Variants in DNER observed in about 807,000 individuals in gnomAD.
DNER encodes the protein delta and Notch-like epidermal growth factor-related receptor.
In DNER, 33 loss-of-function variants were observed where a neutral mutation model predicts 78.2. The ratio of observed to expected loss-of-function variants is 0.42; its 90% CI spans 0.32 to 0.56. The LOEUF is 0.56. Ranked by LOEUF, DNER falls within the 20% of genes least tolerant of loss-of-function variation. The pLI is 0.11. For synonymous variants in DNER, 417 were observed against 384.8 expected, an observed-to-expected ratio of 1.08 and a Z score of -0.98; for missense variants, 918 against 975.3, an observed-to-expected ratio of 0.94 and a Z score of 0.78.
rs1206242933 is a variant in DNER at position 229,410,520 on chromosome 2, A to G, written c.1610-3175T>C. Among the ~76,000 whole-genome samples, 3 of 152,206 alleles carry G rather than the reference A, an allele frequency of 2.0e-5. No individual in the cohort carries two copies. The East Asian group carries it at 5.8e-4, about 29-fold the overall frequency. ...TTTTGTCAGAGAAAACCAGGTCCAC[A>G]CTTCAAACTAAGTCTGTGGAATGAC... is the stretch of plus-strand genomic sequence containing the variant. On this transcript the variant is annotated intron_variant, in intron 9 of 12. Transcript: ENST00000341772.
intron 7 of DNER, among the ~76,000 whole-genome samples, chr2:229,448,724 T>C (rs190868853): frequency 1.0e-3 from 153 of 152,346 alleles, no homozygotes; most frequent in African/African-American, 3.6e-3. Flanking sequence ...TTAACAATGC[T>C]TTCCATAAAA....
intron 1 of DNER, among the ~76,000 whole-genome samples, chr2:229,712,686 T>C (rs989473762): frequency 6.6e-6 from 1 of 152,218 alleles, no homozygotes; most frequent in South Asian, 2.1e-4. Context: ...AAAAGCAAGA[T>C]TTTGTTCTAA....
intron 11 of DNER, among the ~76,000 whole-genome samples, chr2:229,368,087 C>T (rs929448473): frequency 6.6e-6 from 1 of 152,116 alleles, no homozygotes; most frequent in East Asian, 1.9e-4. Flanking sequence ...TATGGCTGGG[C>T]ATGGTGGCTC....
intron 7 of DNER, among the ~76,000 whole-genome samples, chr2:229,450,910 C>G (rs1380216976): frequency 1.3e-5 from 2 of 152,158 alleles, no homozygotes; most frequent in African/African-American, 4.8e-5. Context: ...AAGACTCATA[C>G]AAATAGGGAG....
At chr2:229,570,021 T>C (rs1252336591) in intron 4 of DNER, among the ~76,000 whole-genome samples, 1 of 152,200 alleles carries the variant, frequency 6.6e-6, no homozygotes, top group East Asian at 1.9e-4. Flanking sequence ...TAACACTTAC[T>C]GAAACCAGAT....
chr2:229,393,805 C>G (rs1693071518), intron 10 of DNER, among the ~76,000 whole-genome samples: 1 of 152,098 alleles, frequency 6.6e-6, no homozygotes, highest in African/African-American at 2.4e-5. Context: ...CGGGTTCATG[C>G]CACTGCACTC....
At chr2:229,661,324 AC>A (rs1265578134) in intron 1 of DNER, among the ~76,000 whole-genome samples, 2 of 152,108 alleles carry the variant, frequency 1.3e-5, no homozygotes, top group African/African-American at 4.8e-5. Flanking sequence ...CCCAAAAAAA[AC>A]TTGTTACTCA....
intron 4 of DNER, among the ~76,000 whole-genome samples, chr2:229,568,669 T>A (rs190993022): frequency 7.1e-4 from 108 of 152,114 alleles, no homozygotes; most frequent in African/African-American, 2.3e-3. Context: ...CTTTTACGCA[T>A]CCCTACTGAC....
chr2:229,554,481 C>T (rs1400167461), intron 4 of DNER, among the ~76,000 whole-genome samples: 1 of 152,138 alleles, frequency 6.6e-6, no homozygotes, highest in Middle Eastern at 3.2e-3. Flanking sequence ...CACTTGAGGG[C>T]AGGAGTCCGA....
chr2:229,605,877 G>A (rs573839750), intron 1 of DNER, among the ~76,000 whole-genome samples: 2 of 152,250 alleles, frequency 1.3e-5, no homozygotes. Context: ...GGGTGATGGA[G>A]CAAGACCCTG....
At chr2:229,560,651 T>C (rs925997948) in intron 4 of DNER, among the ~76,000 whole-genome samples, 3 of 152,162 alleles carry the variant, frequency 2.0e-5, no homozygotes, top group African/African-American at 7.2e-5. Flanking sequence ...GATTTGTGAC[T>C]CAATACTTGT....
intron 8 of DNER, among the ~76,000 whole-genome samples, chr2:229,436,225 T>C (rs1210345681): frequency 6.6e-6 from 1 of 152,176 alleles, no homozygotes; most frequent in Non-Finnish European, 1.5e-5. Flanking sequence ...TCTGTATTAG[T>C]TTGCTTAGGA....
chr2:229,436,543 A>T (rs931644055), intron 8 of DNER, among the ~76,000 whole-genome samples: 9 of 152,226 alleles, frequency 5.9e-5, no homozygotes. Context: ...AAAGGCAGCT[A>T]GAGAGAAGGA....
intron 1 of DNER, among the ~76,000 whole-genome samples, chr2:229,662,710 G>A (rs967484338): frequency 6.6e-6 from 1 of 152,188 alleles, no homozygotes; most frequent in Non-Finnish European, 1.5e-5. Context: ...CTGCTGACCA[G>A]AACAGACACA....
At chr2:229,385,311 G>C (rs1692839777) in intron 11 of DNER, among the ~76,000 whole-genome samples, 1 of 152,072 alleles carries the variant, frequency 6.6e-6, no homozygotes, top group African/African-American at 2.4e-5. Flanking sequence ...ACTAGGTATT[G>C]ACAGAACGTA....
At chr2:229,608,021 CA>C (rs57795249) in intron 1 of DNER, among the ~76,000 whole-genome samples, 59 of 86,266 alleles carry the variant, frequency 6.8e-4, no homozygotes, top group South Asian at 1.8e-3. Flanking sequence ...AACTCTGTCT[CA>C]AAAAAAAAAA....
chr2:229,373,324 G>A (rs930588935), intron 11 of DNER, among the ~76,000 whole-genome samples: 1 of 152,098 alleles, frequency 6.6e-6, no homozygotes, highest in Non-Finnish European at 1.5e-5. Flanking sequence ...GCATGTAAGT[G>A]GCCAACAAAC....
At chr2:229,638,143 T>G (rs933423076) in intron 1 of DNER, among the ~76,000 whole-genome samples, 23 of 152,220 alleles carry the variant, frequency 1.5e-4, no homozygotes, top group Admixed American at 1.0e-3. Flanking sequence ...CCAACTGATT[T>G]ATAGATTTCA....
intron 6 of DNER, among the ~76,000 whole-genome samples, chr2:229,509,709 G>C (rs1695824837): frequency 6.6e-6 from 1 of 152,218 alleles, no homozygotes; most frequent in African/African-American, 2.4e-5. Context: ...TGCTACTTAG[G>C]AGGGCTGAAG....
Sources: gnomAD v4.1 joint callset for allele counts (sites outside exome capture counted in the v4.1 genomes callset) on GRCh38, gnomAD v4.1.1 for gene constraint, MANE v1.5 for transcripts, NCBI Gene and HGNC (gene_info 2026-07-23, HGNC 2026-07-21) for gene names.